The following COL26A1 variants were observed in gnomAD, a reference collection of about 807,000 sequenced individuals.
COL26A1 encodes collagen alpha-1(XXVI) chain.
COL26A1 carries 41 observed loss-of-function variants against 59.3 expected under a neutral mutation model. That is an observed-to-expected ratio of 0.69 (90% CI 0.54 to 0.90). The LOEUF (loss-of-function observed/expected upper bound fraction) is 0.90, where lower values mean the gene tolerates loss of function less well. COL26A1 is among the 40% of genes least tolerant of loss of function. The probability of loss-of-function intolerance (pLI) is 0.00; values close to 1 mark genes in which losing one functional copy is unlikely to be tolerated. For synonymous variants in COL26A1, 266 were observed against 256.0 expected (o/e 1.04, Z -0.37); for missense variants, 612 against 602.3 (o/e 1.02, Z -0.17).
intron 4 of COL26A1, among the ~76,000 whole-genome samples, chr7:101,536,254 G>A (rs1160198728): frequency 6.6e-6 from 1 of 152,254 alleles, no homozygotes; most frequent in Non-Finnish European, 1.5e-5. Flanking sequence ...GACCTCAAGT[G>A]ATCTGCTCGC....
chr7:101,451,233 C>T (rs780300218), intron 3 of COL26A1, among the ~76,000 whole-genome samples: 42 of 142,714 alleles, frequency 2.9e-4, no homozygotes, highest in Middle Eastern at 4.0e-3. Context: ...TTACTGTAGA[C>T]AATTTATACA....
At chr7:101,369,517 C>G (rs1455837063) in intron 1 of COL26A1, among the ~76,000 whole-genome samples, 1 of 134,228 alleles carries the variant, frequency 7.5e-6, no homozygotes, top group South Asian at 2.5e-4. Context: ...GGCGCAATCT[C>G]GGCTCACTGC....
At chr7:101,419,603 G>A (rs930683312) in intron 1 of COL26A1, among the ~76,000 whole-genome samples, 18 of 152,324 alleles carry the variant, frequency 1.2e-4, no homozygotes, top group East Asian at 5.8e-4. Context: ...CCTGCTGGGC[G>A]AGATGCCCTG....
In COL26A1 at chr7:101,416,641, C is replaced by A. The variant is rs1230243767; in HGVS notation, c.159-3336C>A. Reference sequence around the variant, plus strand: ...CAGTGGCTACTGGGAAAGGTCACAGCTTAGATTTGCAGCTCATCGGTTTGC... The same window carrying A: ...CAGTGGCTACTGGGAAAGGTCACAGATTAGATTTGCAGCTCATCGGTTTGC... On this transcript the variant is annotated intron_variant, in intron 1 of 12. Transcript: ENST00000313669. 3.5e-5 allele frequency among the ~76,000 whole-genome samples: 5 copies of A among 143,920 alleles called. No individual in the cohort carries two copies. In the Admixed American group the frequency reaches 3.5e-4, roughly 10 times the overall value. The allele number at this position is 143,920 out of a possible 152,430, so 94.4% of individuals were successfully genotyped here.
intron 1 of COL26A1, among the ~76,000 whole-genome samples, chr7:101,397,534 C>A (rs1023327807): frequency 7.7e-6 from 1 of 130,590 alleles, no homozygotes; most frequent in Non-Finnish European, 1.7e-5. Flanking sequence ...TCTCTCCTCC[C>A]CCCCCCTCCT....
chr7:101,419,124 C>G (rs942566440), intron 1 of COL26A1, among the ~76,000 whole-genome samples: 1 of 135,306 alleles, frequency 7.4e-6, no homozygotes, highest in African/African-American at 2.7e-5. Flanking sequence ...TTCTCCCTTC[C>G]TCTCCTCCTC....
chr7:101,383,906 C>G (rs1370212081), intron 1 of COL26A1, among the ~76,000 whole-genome samples: 1 of 151,728 alleles, frequency 6.6e-6, no homozygotes, highest in Non-Finnish European at 1.5e-5. Context: ...TTGACCTCAG[C>G]TGATCTGCCC....
chr7:101,397,488 TTCCTTC>T (rs1191591333), intron 1 of COL26A1, among the ~76,000 whole-genome samples: 3 of 149,810 alleles, frequency 2.0e-5, no homozygotes, highest in African/African-American at 4.9e-5. Flanking sequence ...TCCTTCTCCT[TTCCTTC>T]TCCTTCTCCT....
At chr7:101,481,144 G>A (rs1027052144) in intron 3 of COL26A1, among the ~76,000 whole-genome samples, 11 of 152,080 alleles carry the variant, frequency 7.2e-5, no homozygotes, top group African/African-American at 9.7e-5. Context: ...GAGATGCCAC[G>A]TTGTTCCCTC....
At chr7:101,379,790 C>T (rs538811278) in intron 1 of COL26A1, among the ~76,000 whole-genome samples, 3 of 152,336 alleles carry the variant, frequency 2.0e-5, no homozygotes, top group African/African-American at 7.2e-5. Context: ...CTCACTGTTA[C>T]ACTCCCACCA....
intron 3 of COL26A1, among the ~76,000 whole-genome samples, chr7:101,454,940 G>A (rs1163209675): frequency 6.6e-6 from 1 of 151,930 alleles, no homozygotes; most frequent in Non-Finnish European, 1.5e-5. Flanking sequence ...CTAAGGTAGT[G>A]TAAATGGTGA....
chr7:101,516,458 GA>G (rs1274459744), intron 3 of COL26A1, among the ~76,000 whole-genome samples: 1 of 151,896 alleles, frequency 6.6e-6, no homozygotes, highest in East Asian at 1.9e-4. Context: ...TTTTTTTAGA[GA>G]TGGGGTCTCA....
chr7:101,543,929 G>T (rs1400267129), intron 5 of COL26A1, 69 bp from the exon 6 acceptor site: 8 of 1,173,928 alleles, frequency 6.8e-6, no homozygotes, highest in African/African-American at 6.2e-5. Flanking sequence ...AGCCCAGGGG[G>T]CCAGGCCTGG....
At chr7:101,458,610 C>T (rs920587122) in intron 3 of COL26A1, among the ~76,000 whole-genome samples, 3 of 151,638 alleles carry the variant, frequency 2.0e-5, no homozygotes, top group Admixed American at 6.6e-5. Context: ...GATCACACCA[C>T]GGCACTCCAG....
intron 1 of COL26A1, among the ~76,000 whole-genome samples, chr7:101,392,323 G>A (rs947874369): frequency 3.3e-5 from 5 of 151,804 alleles, no homozygotes; most frequent in Admixed American, 2.6e-4. Flanking sequence ...TATAGGCACC[G>A]GTTCCTTTTT....
At chr7:101,499,187 A>G (rs915744038) in intron 3 of COL26A1, among the ~76,000 whole-genome samples, 1 of 152,120 alleles carries the variant, frequency 6.6e-6, no homozygotes, top group Non-Finnish European at 1.5e-5. Flanking sequence ...GTGTGTCCAC[A>G]GCCTCGACCT....
intron 3 of COL26A1, among the ~76,000 whole-genome samples, chr7:101,457,983 G>C (rs578024961): frequency 2.7e-4 from 40 of 145,780 alleles, no homozygotes; most frequent in Middle Eastern, 3.3e-3. Flanking sequence ...TGCAACCTCC[G>C]CCTCCTGGGT....
chr7:101,406,603 C>G (rs1164467548), intron 1 of COL26A1, among the ~76,000 whole-genome samples: 2 of 152,208 alleles, frequency 1.3e-5, no homozygotes, highest in Non-Finnish European at 2.9e-5. Flanking sequence ...GCCTCTCCAT[C>G]CTGCCCCAGC....
intron 1 of COL26A1, among the ~76,000 whole-genome samples, chr7:101,415,575 C>A (rs1024196400): frequency 2.0e-5 from 3 of 152,104 alleles, no homozygotes; most frequent in African/African-American, 7.2e-5. Flanking sequence ...TTTCCTGGTG[C>A]CTGTGAGAAG....
Sources: allele counts gnomAD v4.1 joint callset (sites outside exome capture counted in the v4.1 genomes callset), GRCh38; gene constraint gnomAD v4.1.1; transcripts MANE v1.5; gene names NCBI Gene and HGNC (gene_info 2026-07-23, HGNC 2026-07-21).